LHFPL3: variants seen among roughly 807,000 people sequenced by gnomAD.
LHFPL3 encodes LHFPL tetraspan subfamily member 3.
LHFPL3 carries 5 observed loss-of-function variants against 19.3 expected under a neutral mutation model. The observed-to-expected ratio is 0.26, with a 90% CI of 0.14 to 0.54. The LOEUF is 0.54. LHFPL3 is among the 20% of genes least tolerant of loss of function. The pLI is 0.94. For missense variants in LHFPL3, 249 were observed against 307.4 expected, an observed-to-expected ratio of 0.81 and a Z score of 1.42; for synonymous variants, 133 against 126.2, an observed-to-expected ratio of 1.05 and a Z score of -0.36.
At chr7:104,843,906 T>C (rs1356563938) in intron 2 of LHFPL3, among the ~76,000 whole-genome samples, 2 of 152,220 alleles carry the variant, frequency 1.3e-5, no homozygotes, top group African/African-American at 4.8e-5. Context: ...TAGGCCCATC[T>C]ACATGAGCAA....
chr7:104,758,531 C>T (rs1243422475), intron 2 of LHFPL3, among the ~76,000 whole-genome samples: 1 of 151,998 alleles, frequency 6.6e-6, no homozygotes, highest in African/African-American at 2.4e-5. Context: ...TAGCATAGTG[C>T]CTGGCATCAA....
Position 104,471,249 on chromosome 7 carries a change from G to A in LHFPL3, c.445+142025G>A, listed in dbSNP as rs1382340514. ...AATGATACTTGCAATTCAGTTCAAA[G>A]CACCCCATGGAATTTTCTTAATTTT... On this transcript the variant is annotated intron_variant, in intron 1 of 2. Coordinates refer to ENST00000424859, the MANE Select transcript of LHFPL3 (RefSeq NM_199000.3). 2.0e-5 allele frequency among the ~76,000 whole-genome samples: 3 copies of A among 152,262 alleles called. 1 individual carries two copies. The highest frequency in any genetic ancestry group is 4.1e-4 in the South Asian group (2 of 4,826).
At chr7:104,331,265 A>G (rs1037161320) in intron 1 of LHFPL3, among the ~76,000 whole-genome samples, 3 of 152,254 alleles carry the variant, frequency 2.0e-5, no homozygotes, top group Non-Finnish European at 2.9e-5. Context: ...GGCATTTGAC[A>G]TCAATGTTTA....
intron 2 of LHFPL3, among the ~76,000 whole-genome samples, chr7:104,755,639 C>T (rs988410209): frequency 1.3e-5 from 2 of 151,764 alleles, no homozygotes; most frequent in African/African-American, 4.8e-5. Flanking sequence ...GAAGAAGCCC[C>T]AGTGACTAGT....
chr7:104,557,438 T>C (rs1227210603), intron 1 of LHFPL3, among the ~76,000 whole-genome samples: 3 of 152,120 alleles, frequency 2.0e-5, no homozygotes, highest in Non-Finnish European at 2.9e-5. Flanking sequence ...CATCAGATCT[T>C]GTGGGACTCA....
At chr7:104,412,515 A>C (rs1309737986) in intron 1 of LHFPL3, among the ~76,000 whole-genome samples, 2 of 152,050 alleles carry the variant, frequency 1.3e-5, no homozygotes, top group African/African-American at 4.8e-5. Context: ...CACATTATAG[A>C]GATCTGATCT....
chr7:104,666,509 A>ATTTTTTTTTTTTT (rs1315147894), intron 1 of LHFPL3, among the ~76,000 whole-genome samples: 1 of 44,162 alleles, frequency 2.3e-5, no homozygotes, highest in Non-Finnish European at 4.6e-5. Flanking sequence ...ACAGGATTTC[A>ATTTTTTTTTTTTT]TTCTTTTTTT....
At chr7:104,443,419 G>A (rs180752304) in intron 1 of LHFPL3, among the ~76,000 whole-genome samples, 3 of 152,150 alleles carry the variant, frequency 2.0e-5, no homozygotes, top group South Asian at 2.1e-4. Context: ...TCTGATTATT[G>A]TGTAACTTAT....
rs571312716 is a variant in LHFPL3 at position 104,748,890 on chromosome 7, C to A, written c.682+11979C>A. 4.8e-4 allele frequency among the ~76,000 whole-genome samples: 73 copies of A among 152,318 alleles called. No individual in the cohort carries two copies. In the South Asian group the frequency reaches 0.014, roughly 30 times the overall value. On this transcript the variant is annotated intron_variant, in intron 2 of 2. Transcript: ENST00000424859. Reference sequence around the variant, plus strand: ...GTGGAGGGGCAACCCACCCCTACATCTGGCGCCCAACGTGGGGCTAAGGGA... The same window carrying A: ...GTGGAGGGGCAACCCACCCCTACATATGGCGCCCAACGTGGGGCTAAGGGA...
chr7:104,724,803 G>A lies in LHFPL3; in HGVS notation c.446-11872G>A, dbSNP rs541180650. Among the ~76,000 whole-genome samples, 3 of 152,258 alleles carry A rather than the reference G, an allele frequency of 2.0e-5. No homozygotes were observed. The East Asian group carries it at 5.8e-4, about 29-fold the overall frequency. ...TATATCCAAAAGAAAAGAAAAGGCT[G>A]ACAAGAAGTGGATGGAGAACCCGTA... On this transcript the variant is annotated intron_variant, in intron 1 of 2. Transcript: ENST00000424859.
chr7:104,765,394 A>G (rs1009537250), intron 2 of LHFPL3, among the ~76,000 whole-genome samples: 6 of 152,212 alleles, frequency 3.9e-5, no homozygotes, highest in African/African-American at 1.4e-4. Flanking sequence ...ACCTTGCAAT[A>G]CTGTCTTGCT....
chr7:104,831,118 T>C (rs1430643485), intron 2 of LHFPL3, among the ~76,000 whole-genome samples: 2 of 151,976 alleles, frequency 1.3e-5, no homozygotes, highest in African/African-American at 4.9e-5. Flanking sequence ...TAGCTAGAAA[T>C]TGACCATTTC....
chr7:104,340,230 A>T (rs893805692), intron 1 of LHFPL3, among the ~76,000 whole-genome samples: 4 of 152,208 alleles, frequency 2.6e-5, no homozygotes, highest in African/African-American at 9.7e-5. Flanking sequence ...ATAGACATTT[A>T]AAAAATAACA....
intron 1 of LHFPL3, among the ~76,000 whole-genome samples, chr7:104,591,988 A>T (rs1790734954): frequency 6.6e-6 from 1 of 152,088 alleles, no homozygotes; most frequent in Admixed American, 6.5e-5. Context: ...GGTCTTCTCT[A>T]CACTGTTTAT....
chr7:104,788,019 G>A (rs888847485), intron 2 of LHFPL3, among the ~76,000 whole-genome samples: 2 of 152,280 alleles, frequency 1.3e-5, no homozygotes, highest in African/African-American at 2.4e-5. Flanking sequence ...GTTCTTTCTC[G>A]TTGAATTTTT....
chr7:104,415,995 G>T (rs1250632239), intron 1 of LHFPL3, among the ~76,000 whole-genome samples: 5 of 152,170 alleles, frequency 3.3e-5, no homozygotes, highest in Admixed American at 3.3e-4. Context: ...TCCATAAAAA[G>T]ATATGAAGTC....
At chr7:104,413,361 C>T (rs190191869) in intron 1 of LHFPL3, among the ~76,000 whole-genome samples, 7 of 152,278 alleles carry the variant, frequency 4.6e-5, no homozygotes, top group African/African-American at 2.4e-5. Flanking sequence ...CCTTTGGTTC[C>T]CCTTCTCTGA....
intron 1 of LHFPL3, among the ~76,000 whole-genome samples, chr7:104,697,218 A>G (rs915040669): frequency 2.6e-5 from 4 of 152,230 alleles, no homozygotes; most frequent in Non-Finnish European, 5.9e-5. Context: ...AGATTCCAAT[A>G]TATGAATTTG....
At chr7:104,653,816 C>T (rs1239202141) in intron 1 of LHFPL3, among the ~76,000 whole-genome samples, 1 of 152,146 alleles carries the variant, frequency 6.6e-6, no homozygotes, top group Non-Finnish European at 1.5e-5. Context: ...AAATTACAGC[C>T]TCATCTACTA....
Sources: gnomAD v4.1 joint callset for allele counts (sites outside exome capture counted in the v4.1 genomes callset) on GRCh38, gnomAD v4.1.1 for gene constraint, MANE v1.5 for transcripts, NCBI Gene and HGNC (gene_info 2026-07-23, HGNC 2026-07-21) for gene names.